Variants in INO80D observed in about 807,000 individuals in gnomAD.
INO80D encodes the protein INO80 complex subunit D.
Under a neutral mutation model 87.6 loss-of-function variants are expected in INO80D, and 21 were observed. That is an observed-to-expected ratio of 0.24 (90% CI 0.17 to 0.35). The LOEUF is 0.35. Among genes scored for constraint, INO80D ranks in the 10% least tolerant of loss-of-function variants. The pLI is 1.00. For synonymous variants in INO80D, 440 were observed against 491.0 expected (o/e 0.90, Z 1.37); for missense variants, 982 against 1,280.7 (o/e 0.77, Z 3.56).
chr2:206,033,820 G>C (rs1384093398), intron 5 of INO80D, among the ~76,000 whole-genome samples: 1 of 152,016 alleles, frequency 6.6e-6, no homozygotes, highest in East Asian at 1.9e-4. Context: ...TCTTTGAAAA[G>C]ACACATACAA....
At chr2:206,055,860 T>C (rs1020710503) in intron 4 of INO80D, among the ~76,000 whole-genome samples, 2 of 152,236 alleles carry the variant, frequency 1.3e-5, no homozygotes, top group Admixed American at 6.5e-5. Context: ...ATTTACATTA[T>C]ATCAGGTATT....
chr2:206,059,757 G>A (rs1470199476), intron 3 of INO80D, among the ~76,000 whole-genome samples: 1 of 151,464 alleles, frequency 6.6e-6, no homozygotes, highest in Non-Finnish European at 1.5e-5. Flanking sequence ...GTGTGTGTCT[G>A]TGTGTCTGTG....
intron 8 of INO80D, among the ~76,000 whole-genome samples, chr2:206,010,375 T>G (rs1688139622): frequency 6.6e-6 from 1 of 152,032 alleles, no homozygotes; most frequent in African/African-American, 2.4e-5. Context: ...GCCTTTCACA[T>G]GTCAAGCAGT....
Position 206,002,812 on chromosome 2 carries a change from C to T in INO80D, c.*1556G>A, listed in dbSNP as rs920907156. On this transcript the variant is annotated 3_prime_UTR_variant, in exon 11 of 11. Coordinates refer to ENST00000403263, the MANE Select transcript of INO80D (RefSeq NM_017759.5). ...TGAACCACATCAATAGGTATGTTCT[C>T]TCAACTTTTAAAATATATATATATG... 6 of 152,154 alleles carry T rather than the reference C, an allele frequency of 3.9e-5. No homozygotes were observed. The highest frequency in any genetic ancestry group is 1.2e-4 in the African/African-American group (5 of 41,434). 9.4% of individuals were successfully genotyped at this position (152,154 alleles called of 1,614,324 possible).
At chr2:206,064,120 A>G (rs941572899) in intron 1 of INO80D, among the ~76,000 whole-genome samples, 1 of 152,198 alleles carries the variant, frequency 6.6e-6, no homozygotes, top group Non-Finnish European at 1.5e-5. Context: ...GACCACACTT[A>G]TATCATTCAT....
intron 6 of INO80D, among the ~76,000 whole-genome samples, chr2:206,023,563 G>A (rs575726580): frequency 1.9e-4 from 29 of 151,008 alleles, no homozygotes; most frequent in Admixed American, 1.3e-3. Flanking sequence ...CATGCCTGTA[G>A]TCCCAGCTAC....
At chr2:206,052,702 G>A (rs1689406875) in intron 4 of INO80D, among the ~76,000 whole-genome samples, 1 of 151,974 alleles carries the variant, frequency 6.6e-6, no homozygotes, top group East Asian at 1.9e-4. Context: ...TGAGGTGGGA[G>A]GATCACTTGA....
In INO80D at chr2:206,003,588, T is replaced by C. The variant is rs945198578; in HGVS notation, c.*780A>G. ...TGGGCTAACTTTTAGCAGAAAAAGG[T>C]TGTGCTACTCACACGACCAGTCCAC... is the stretch of plus-strand genomic sequence containing the variant. On this transcript the variant is annotated 3_prime_UTR_variant, in exon 11 of 11. Coordinates refer to ENST00000403263, the MANE Select transcript of INO80D (RefSeq NM_017759.5). 8.5e-5 allele frequency: 13 copies of C among 152,202 alleles called. No individual in the cohort carries two copies. Among genetic ancestry groups the C allele is most frequent in the African/African-American group, 2.4e-4 (10 of 41,444 alleles). The allele number at this position is 152,202 out of a possible 1,614,324, so 9.4% of individuals were successfully genotyped here.
At chr2:206,039,713 G>A (rs1306865718) in intron 5 of INO80D, among the ~76,000 whole-genome samples, 1 of 150,076 alleles carries the variant, frequency 6.7e-6, no homozygotes, top group Admixed American at 6.7e-5. Context: ...GGGAGGCTGA[G>A]GCAGAAGAAT....
chr2:206,040,507 A>G, intron 5 of INO80D: 1 of 217,714 alleles, frequency 4.6e-6, no homozygotes, highest in Non-Finnish European at 9.8e-6. Context: ...CAAAGCTGTC[A>G]TCGTAAAGAA....
Position 206,005,329 on chromosome 2 carries a change from T to A in INO80D, c.2123A>T (p.Glu708Val). 1 of 1,614,030 alleles carries A rather than the reference T, an allele frequency of 6.2e-7. No individual in the cohort carries two copies. The highest frequency in any genetic ancestry group is 8.5e-7 in the Non-Finnish European group (1 of 1,179,886). ...TAGCTCCCCTAGGTCTGTGTTCACC[T>A]CTCGGCTCAAGGATTGTATTCCTGA... ...GASGIQSLSR[E>V]VNTDLGELLN... Residue 708 changes from glutamate (E) to valine (V), a missense_variant, in exon 11 of 11, where the codon GAG becomes GTG. Transcript: ENST00000403263.
chr2:206,049,947 C>T (rs866503805), intron 4 of INO80D, among the ~76,000 whole-genome samples: 2 of 149,338 alleles, frequency 1.3e-5, no homozygotes, highest in East Asian at 2.0e-4. Flanking sequence ...GCCTGGCCAA[C>T]GTGGTGAAAC....
intron 4 of INO80D, among the ~76,000 whole-genome samples, chr2:206,053,239 C>A (rs1238138728): frequency 1.3e-5 from 2 of 151,806 alleles, no homozygotes; most frequent in Admixed American, 1.3e-4. Flanking sequence ...TATACATCTA[C>A]GACAGTTTAT....
At chr2:206,007,546 G>T (rs963637187) in intron 9 of INO80D, 105 bp from the exon 10 acceptor site, 4 of 1,312,492 alleles carry the variant, frequency 3.0e-6, no homozygotes, top group South Asian at 1.5e-5. Flanking sequence ...GTCAGGCAGG[G>T]CACAGTGGCT....
intron 8 of INO80D, 46 bp downstream of exon 8, chr2:206,017,634 A>G: frequency 1.4e-6 from 2 of 1,458,696 alleles, no homozygotes; most frequent in Non-Finnish European, 1.8e-6. Flanking sequence ...TACTTCCTAC[A>G]GTGGATAGCT....
chr2:206,035,565 C>T (rs1445235170), intron 5 of INO80D, among the ~76,000 whole-genome samples: 2 of 152,042 alleles, frequency 1.3e-5, no homozygotes, highest in African/African-American at 4.8e-5. Flanking sequence ...GATCCTCTCA[C>T]CTTATACAAA....
chr2:206,012,266 T>C (rs934191073), intron 8 of INO80D, among the ~76,000 whole-genome samples: 3 of 151,690 alleles, frequency 2.0e-5, no homozygotes, highest in Non-Finnish European at 4.4e-5. Context: ...ACAAAGGGAG[T>C]AGTGTAAGAG....
chr2:206,006,241 G>C (rs1688020703), intron 10 of INO80D, among the ~76,000 whole-genome samples: 1 of 152,118 alleles, frequency 6.6e-6, no homozygotes, highest in Admixed American at 6.5e-5. Flanking sequence ...GATTTTTAAT[G>C]GTGAAAGAAA....
At chr2:206,065,574 G>A (rs1447221995) in intron 1 of INO80D, among the ~76,000 whole-genome samples, 2 of 152,094 alleles carry the variant, frequency 1.3e-5, no homozygotes, top group Admixed American at 1.3e-4. Flanking sequence ...GCACAGCAAA[G>A]GAACAACCAA....
Sources: gnomAD v4.1 joint callset for allele counts (sites outside exome capture counted in the v4.1 genomes callset) on GRCh38, gnomAD v4.1.1 for gene constraint, MANE v1.5 for transcripts, NCBI Gene and HGNC (gene_info 2026-07-23, HGNC 2026-07-21) for gene names.